Variants in ZFYVE28 observed in about 807,000 individuals in gnomAD.
ZFYVE28 encodes the protein lateral signaling target protein 2 homolog.
A neutral mutation model predicts 82.1 loss-of-function variants in ZFYVE28; 40 were observed. The ratio of observed to expected loss-of-function variants is 0.49; its 90% CI spans 0.38 to 0.63. ZFYVE28 has a LOEUF of 0.63. Ranked by LOEUF, ZFYVE28 falls within the 30% of genes least tolerant of loss-of-function variation. The pLI is 0.00. For synonymous variants in ZFYVE28, 612 were observed against 546.1 expected, an observed-to-expected ratio of 1.12 and a Z score of -1.68; for missense variants, 1,321 against 1,242.1, an observed-to-expected ratio of 1.06 and a Z score of -0.96.
Position 2,372,570 on chromosome 4 carries a change from CAG to C in ZFYVE28, c.40-18499_40-18498del, listed in dbSNP as rs1727683719. 6.6e-6 allele frequency among the ~76,000 whole-genome samples: 1 copy of C among 151,986 alleles called. No individual in the cohort carries two copies. The highest frequency in any genetic ancestry group is 1.5e-5 in the Non-Finnish European group (1 of 67,964). ...CACCCCATCATGTGGGAGGGGTACA[CAG>C]AGGTGCGGGCAGGCAGGGGTGCTGG... On this transcript the variant is annotated intron_variant, in intron 1 of 12. Coordinates refer to ENST00000290974, the MANE Select transcript of ZFYVE28 (RefSeq NM_020972.3). This position sits in a 1 kb window ranked among gnomAD's most constrained non-coding sequence, Gnocchi z 5.2.
At chr4:2,322,051 G>A (rs989511221) in intron 6 of ZFYVE28, among the ~76,000 whole-genome samples, 7 of 152,346 alleles carry the variant, frequency 4.6e-5, no homozygotes, top group South Asian at 2.1e-4. Context: ...ACATCCAGCC[G>A]TGTGTTAGCT....
rs140086691 is a variant in ZFYVE28, at chr4:2,307,262, TATTG to T, written c.804-1730_804-1727del. ...CTAATTGGGTTGTCTGCCTTTTTCT[TATTG>T]ATTGAGTTCTTTATATATTTTGGAT... On this transcript the variant is annotated intron_variant, in intron 7 of 12. Transcript: ENST00000290974. Among the ~76,000 whole-genome samples, 589 of 152,354 alleles carry T rather than the reference TATTG, an allele frequency of 3.9e-3. 3 individuals carry two copies. Among genetic ancestry groups the T allele is most frequent in the African/African-American group, 0.014 (568 of 41,584 alleles).
chr4:2,351,899 T>A (rs990147920), intron 2 of ZFYVE28, among the ~76,000 whole-genome samples: 1 of 152,170 alleles, frequency 6.6e-6, no homozygotes, highest in Non-Finnish European at 1.5e-5. Flanking sequence ...GGCTTATTTT[T>A]AAAAATTGAC....
chr4:2,339,010 C>G lies in ZFYVE28; in HGVS notation c.521+443G>C, dbSNP rs1722317951. ...ATTTTTTTTAGTAGAGATGGGGTGT[C>G]ACCGTGTTAGCCAGGATGGTCTCGA... On this transcript the variant is annotated intron_variant, in intron 4 of 12. Transcript: ENST00000290974. The surrounding 1 kb of genome is among the most constrained non-coding windows in gnomAD (Gnocchi z 5.0). Among the ~76,000 whole-genome samples, 1 of 152,146 alleles carries G rather than the reference C, an allele frequency of 6.6e-6. No homozygotes were observed.
chr4:2,322,228 C>T (rs911830689), intron 6 of ZFYVE28, among the ~76,000 whole-genome samples: 3 of 152,312 alleles, frequency 2.0e-5, no homozygotes, highest in Admixed American at 6.5e-5. Context: ...GGCCCCCGGG[C>T]GGCTGCCAGA....
rs898513486 is a variant in ZFYVE28, at chr4:2,417,241, G to C, written c.39+1044C>G. On this transcript the variant is annotated intron_variant, in intron 1 of 12. Transcript: ENST00000290974. This position sits in a 1 kb window ranked among gnomAD's most constrained non-coding sequence, Gnocchi z 4.8. ...ACCTCCCCCAAGATCTCAGGGCCCG[G>C]GCCTCCCCGCTGCGCCGGCCCCAGG... Among the ~76,000 whole-genome samples the C allele has an allele frequency of 6.6e-6, 1 of 152,150 alleles. No individual in the cohort carries two copies. The highest frequency in any genetic ancestry group is 1.5e-5 in the Non-Finnish European group (1 of 68,008).
chr4:2,387,889 G>A (rs947811659), intron 1 of ZFYVE28, among the ~76,000 whole-genome samples: 12 of 152,196 alleles, frequency 7.9e-5, no homozygotes, highest in Admixed American at 3.9e-4. Flanking sequence ...AAAGACTGTC[G>A]GACAGCAGGA....
Position 2,304,959 on chromosome 4 carries a change from T to C in ZFYVE28, c.1381A>G (p.Asn461Asp), listed in dbSNP as rs1211753216. ...ASEKEEDLSN[N>D]NLEAEGTDGA... ...TCTGTGCCCTCGGCCTCGAGATTGT[T>C]GTTGCTCAAGTCCTCCTCCTTTTCC... The change falls in exon 8 of 13, where the codon AAC (asparagine) becomes GAC (aspartate). Residue 461 changes from asparagine (N) to aspartate (D), a missense_variant. Around this residue, in one of 2 missense-constraint regions of ZFYVE28, gnomAD observed 978 missense variants for 833.7 expected, o/e 1.17. Coordinates refer to ENST00000290974, the MANE Select transcript of ZFYVE28 (RefSeq NM_020972.3). The C allele has an allele frequency of 1.2e-6, 2 of 1,612,674 alleles. No individual in the cohort carries two copies. Among genetic ancestry groups the C allele is most frequent in the Admixed American group, 1.7e-5 (1 of 60,020 alleles).
chr4:2,270,375 T>G lies in ZFYVE28; in HGVS notation c.*350A>C. 3.1e-6 allele frequency: 1 copy of G among 317,958 alleles called. No homozygotes were observed. Among genetic ancestry groups the G allele is most frequent in the Non-Finnish European group, 6.0e-6 (1 of 165,646 alleles). The allele number at this position is 317,958 out of a possible 1,614,324, so 19.7% of individuals were successfully genotyped here. ...CAGAGGCGCAGAGTGGCCCCACTCT[T>G]GTCCACCTCCATCACCCGCCCCGAT... On this transcript the variant is annotated 3_prime_UTR_variant, in exon 13 of 13. Transcript: ENST00000290974.
Position 2,274,092 on chromosome 4 carries a change from G to A in ZFYVE28, c.2176C>T (p.Leu726Phe). Reference sequence around the variant, plus strand: ...ATGCAGACGAACAGGCGGTGGATGAGGTCGTGGCTGCCGTGGAACCTGGAC... The same window carrying A: ...ATGCAGACGAACAGGCGGTGGATGAAGTCGTGGCTGCCGTGGAACCTGGAC... ...IRSRFHGSHD[L>F]IHRLFVCISG... Residue 726 changes from leucine to phenylalanine, a missense_variant, in exon 9 of 13, where the codon CTC (leucine) becomes TTC (phenylalanine). Leu to Phe is a conservative substitution (Grantham distance 22). Transcript: ENST00000290974. 1.2e-6 allele frequency: 2 copies of A among 1,614,110 alleles called. No homozygotes were observed. The highest frequency in any genetic ancestry group is 1.7e-6 in the Non-Finnish European group (2 of 1,180,028).
intron 1 of ZFYVE28, among the ~76,000 whole-genome samples, chr4:2,399,048 A>ACAAGCGTGGAGGTGAGATCCAGGGCC (rs1730842170): frequency 8.0e-6 from 1 of 124,868 alleles, no homozygotes; most frequent in Non-Finnish European, 1.6e-5. Flanking sequence ...GATCCAGGGC[A>ACAAGCGTGGAGGTGAGATCCAGGGCC]CAAGCGTGGA....
At chr4:2,294,835 C>A (rs375065565) in intron 8 of ZFYVE28, among the ~76,000 whole-genome samples, 1 of 152,080 alleles carries the variant, frequency 6.6e-6, no homozygotes, top group Admixed American at 6.5e-5. Context: ...ACGCTTGAGT[C>A]GATGAGGTGG....
Position 2,335,058 on chromosome 4 carries a change from C to T in ZFYVE28, c.701+647G>A, listed in dbSNP as rs1249483445. 1.3e-5 allele frequency among the ~76,000 whole-genome samples: 2 copies of T among 151,176 alleles called. No individual in the cohort carries two copies. Among genetic ancestry groups the T allele is most frequent in the Non-Finnish European group, 3.0e-5 (2 of 67,742 alleles). On this transcript the variant is annotated intron_variant, in intron 6 of 12. Coordinates refer to ENST00000290974, the MANE Select transcript of ZFYVE28 (RefSeq NM_020972.3). The surrounding 1 kb of genome is among the most constrained non-coding windows in gnomAD (Gnocchi z 5.8). ...GCAGGTGACCCCGCGCATCCTGCCT[C>T]GGTGGATTTCAGGCCTGAGCTTCCA...
At chr4:2,354,309 C>A (rs1724918239) in intron 1 of ZFYVE28, among the ~76,000 whole-genome samples, 2 of 152,188 alleles carry the variant, frequency 1.3e-5, no homozygotes, top group Admixed American at 6.5e-5. Flanking sequence ...TGCATTTCAC[C>A]CCAGGACTGT....
chr4:2,276,942 G>C (rs1267368029), intron 8 of ZFYVE28, among the ~76,000 whole-genome samples: 1 of 151,948 alleles, frequency 6.6e-6, no homozygotes, highest in East Asian at 1.9e-4. Flanking sequence ...CGCTTAGGAA[G>C]GGCTAAATAG....
chr4:2,410,840 T>C (rs1469834115), intron 1 of ZFYVE28, among the ~76,000 whole-genome samples: 1 of 152,220 alleles, frequency 6.6e-6, no homozygotes, highest in Admixed American at 6.5e-5. Context: ...CATGTATCTG[T>C]TCTTCCTTCC....
intron 6 of ZFYVE28, chr4:2,328,804 CTTT>C (rs34334027): frequency 2.2e-3 from 468 of 214,582 alleles, no homozygotes; most frequent in East Asian, 4.4e-3. Context: ...CAACTTTGTT[CTTT>C]TTTTTTTTTT....
intron 1 of ZFYVE28, among the ~76,000 whole-genome samples, chr4:2,376,690 G>A (rs1450893125): frequency 6.6e-6 from 1 of 152,106 alleles, no homozygotes; most frequent in Non-Finnish European, 1.5e-5. Context: ...ATTCAATTAC[G>A]TCCCATCAAG....
In ZFYVE28 at chr4:2,306,447, A is replaced by T. The variant is rs370373975; in HGVS notation, c.804-911T>A. Among the ~76,000 whole-genome samples, 159 of 152,344 alleles carry T rather than the reference A, an allele frequency of 1.0e-3. 4 individuals are homozygous for T. In the East Asian group the frequency reaches 0.028, roughly 26 times the overall value. ...AGGCCCCCGGCACCCTGGCTCTCGC[A>T]TGACACCATCCTGACTCCATAGGCC... On this transcript the variant is annotated intron_variant, in intron 7 of 12. Coordinates refer to ENST00000290974, the MANE Select transcript of ZFYVE28 (RefSeq NM_020972.3).
Sources: allele counts gnomAD v4.1 joint callset (sites outside exome capture counted in the v4.1 genomes callset), GRCh38; gene constraint gnomAD v4.1.1; regional missense constraint gnomAD v4.1.1; non-coding constraint Gnocchi (gnomAD v3.1); transcripts MANE v1.5; gene names NCBI Gene and HGNC (gene_info 2026-07-23, HGNC 2026-07-21).